Variants in LRRK2 observed in about 807,000 individuals in gnomAD.
The protein encoded by LRRK2 is leucine rich repeat kinase 2, also known as leucine-rich repeat serine/threonine-protein kinase 2.
In LRRK2, 203 loss-of-function variants were observed where a neutral mutation model predicts 302.6. The observed-to-expected ratio is 0.67, with a 90% confidence interval of 0.60 to 0.75. LRRK2 has a LOEUF of 0.75. Among genes scored for constraint, LRRK2 ranks in the 30% least tolerant of loss-of-function variants. The pLI, the probability that LRRK2 is intolerant of heterozygous loss-of-function variation, is 0.00. For missense variants in LRRK2, 2,830 were observed against 2,951.0 expected (o/e 0.96, Z 0.95); for synonymous variants, 1,066 against 1,031.9 (o/e 1.03, Z -0.63).
chr12:40,291,216 G>A (rs1196667918), intron 20 of LRRK2, among the ~76,000 whole-genome samples: 1 of 151,662 alleles, frequency 6.6e-6, no homozygotes, highest in African/African-American at 2.4e-5. Flanking sequence ...ACTCATAGGT[G>A]GGAATTGAAC....
rs576304355 is a variant in LRRK2 at position 40,237,958 on chromosome 12, C to A, written c.437-11C>A. ...CTCTTTACTCAGAGCATATTATTCT[C>A]TTTAAAATAGGTAAAATCACCTTGC... On this transcript the variant is annotated splice_polypyrimidine_tract_variant and intron_variant, in intron 4 of 50. Coordinates refer to ENST00000298910, the MANE Select transcript of LRRK2 (RefSeq NM_198578.4). 37 of 1,608,492 alleles carry A rather than the reference C, an allele frequency of 2.3e-5. No individual in the cohort carries two copies. In the South Asian group the frequency reaches 4.0e-4, roughly 17 times the overall value.
intron 8 of LRRK2, among the ~76,000 whole-genome samples, chr12:40,250,273 C>T (rs544135912): frequency 6.6e-6 from 1 of 152,234 alleles, no homozygotes; most frequent in Admixed American, 6.5e-5. Flanking sequence ...GGGTGGATCA[C>T]AAGGTCAGGA....
At chr12:40,295,329 A>G in intron 22 of LRRK2, 98 bp from the exon 23 acceptor site, 2 of 1,137,794 alleles carry the variant, frequency 1.8e-6, no homozygotes, top group Non-Finnish European at 2.6e-6. Context: ...CAGTGCCTTG[A>G]AGAAAGCCTG....
chr12:40,358,807 T>G (rs1382891037), intron 46 of LRRK2, among the ~76,000 whole-genome samples: 2 of 152,190 alleles, frequency 1.3e-5, no homozygotes, highest in African/African-American at 4.8e-5. Flanking sequence ...GTAGATTGCT[T>G]TGGGTAGTAT....
At chr12:40,331,046 G>A (rs1945698467) in intron 39 of LRRK2, among the ~76,000 whole-genome samples, 1 of 151,510 alleles carries the variant, frequency 6.6e-6, no homozygotes, top group Non-Finnish European at 1.5e-5. Context: ...ATTTTTTTTT[G>A]TATTACTTGC....
Position 40,301,250 on chromosome 12 carries a change from C to G in LRRK2, c.3497-1539C>G, listed in dbSNP as rs192451060. ...AATAATCCCATGTAAATGGTGAAACCCTGTCTCTACTAAAAATACAAAAAT... is the reference window on the plus strand; with the variant it reads ...AATAATCCCATGTAAATGGTGAAACGCTGTCTCTACTAAAAATACAAAAAT... On this transcript the variant is annotated intron_variant, in intron 25 of 50. Coordinates refer to ENST00000298910, the MANE Select transcript of LRRK2 (RefSeq NM_198578.4). Among the ~76,000 whole-genome samples, 13 of 152,126 alleles carry G rather than the reference C, an allele frequency of 8.5e-5. No individual in the cohort carries two copies. The East Asian group carries it at 1.7e-3, about 20-fold the overall frequency.
In LRRK2 at chr12:40,252,995, T is replaced by C. The variant is rs767225630; in HGVS notation, c.1267T>C (p.Ser423Pro). The C allele has an allele frequency of 1.2e-6, 2 of 1,611,986 alleles. No individual in the cohort carries two copies. The highest frequency in any genetic ancestry group is 1.7e-6 in the Non-Finnish European group (2 of 1,178,278). The part of the protein sequence containing the change: ...EVFQASANAL[S>P]TLLEQNVNFR... ...TTTCCAGGCATCTGCGAATGCATTG[T>C]CAACTCTCTTAGAACAAAATGGTAA... is the stretch of plus-strand genomic sequence containing the variant. The change falls in exon 11 of 51, where the codon TCA (serine) becomes CCA (proline). Residue 423 changes from serine (S) to proline (P), a missense_variant. Around this residue, in one of 3 missense-constraint regions of LRRK2, gnomAD observed 2,121 missense variants for 2,148.0 expected, o/e 0.99. Transcript: ENST00000298910.
chr12:40,289,953 A>C (rs1350547930), intron 20 of LRRK2, among the ~76,000 whole-genome samples: 1 of 150,530 alleles, frequency 6.6e-6, no homozygotes, highest in Non-Finnish European at 1.5e-5. Context: ...ACTGGCTAGG[A>C]CCTCCAGTAC....
intron 2 of LRRK2, among the ~76,000 whole-genome samples, chr12:40,230,791 C>T (rs929765939): frequency 3.3e-5 from 5 of 151,646 alleles, no homozygotes; most frequent in Non-Finnish European, 5.9e-5. Context: ...TTTTCATCTC[C>T]GGTTTGAAAT....
chr12:40,306,488 C>T (rs1944829435), intron 28 of LRRK2, among the ~76,000 whole-genome samples: 1 of 152,174 alleles, frequency 6.6e-6, no homozygotes, highest in Admixed American at 6.6e-5. Flanking sequence ...CTGGTCTTTA[C>T]ACTTTAAGCA....
Position 40,321,169 on chromosome 12 carries a change from T to G in LRRK2, c.5151T>G (p.Pro1717=), listed in dbSNP as rs1945388982. The stretch of plus-strand genomic sequence containing the variant: ...TCAATCGATTACTTGAGATTTCACC[T>G]TACATGCTTTCAGGGAGAGGTAAGT... ...RLINRLLEIS[P]YMLSGRERAL... The change falls in exon 35 of 51, where the codon CCT becomes CCG. Residue 1717 remains proline (P), a synonymous_variant. Transcript: ENST00000298910. The G allele has an allele frequency of 3.7e-6, 6 of 1,612,244 alleles. No individual in the cohort carries two copies. The highest frequency in any genetic ancestry group is 5.1e-6 in the Non-Finnish European group (6 of 1,178,632).
Position 40,266,842 on chromosome 12 carries a change from G to A in LRRK2, c.1656+2941G>A, listed in dbSNP as rs547599148. Among the ~76,000 whole-genome samples, 4 of 152,202 alleles carry A rather than the reference G, an allele frequency of 2.6e-5. No individual in the cohort carries two copies. In the South Asian group the frequency reaches 8.3e-4, roughly 32 times the overall value. ...CAGCCATAAAAAATGATGAGTTCAT[G>A]TCCTTTGTAGGGACATGGATGGTAC... On this transcript the variant is annotated intron_variant, in intron 14 of 50. Transcript: ENST00000298910.
At chr12:40,326,623 C>A (rs1269981329) in intron 38 of LRRK2, among the ~76,000 whole-genome samples, 2 of 152,058 alleles carry the variant, frequency 1.3e-5, no homozygotes, top group African/African-American at 4.8e-5. Context: ...GGAGGCAGAA[C>A]AAGATGCATC....
chr12:40,353,071 G>A (rs1324867232), intron 44 of LRRK2, among the ~76,000 whole-genome samples: 11 of 151,072 alleles, frequency 7.3e-5, no homozygotes, highest in East Asian at 3.9e-4. Context: ...CAGACGGGGC[G>A]GCGGCCGGGC....
At chr12:40,315,805 GA>G (rs1485212438) in intron 33 of LRRK2, among the ~76,000 whole-genome samples, 1 of 75,488 alleles carries the variant, frequency 1.3e-5, no homozygotes, top group Non-Finnish European at 2.6e-5. Flanking sequence ...CATGGAAAAT[GA>G]TTTTTTTCTC....
chr12:40,276,225 T>G (rs1280654513), intron 16 of LRRK2, among the ~76,000 whole-genome samples: 1 of 152,180 alleles, frequency 6.6e-6, no homozygotes, highest in Non-Finnish European at 1.5e-5. Context: ...TAGGCATAAA[T>G]TTTAGAATCT....
In LRRK2 at chr12:40,329,954, A is replaced by G. The variant is rs531412240; in HGVS notation, c.5757+1494A>G. On this transcript the variant is annotated intron_variant, in intron 39 of 50. Coordinates refer to ENST00000298910, the MANE Select transcript of LRRK2 (RefSeq NM_198578.4). Reference sequence around the variant, plus strand: ...TTTCATCATGACTTCAAGTGTTTCTAAGTTCTTAATCATACAGTTTGTATA... The same window carrying G: ...TTTCATCATGACTTCAAGTGTTTCTGAGTTCTTAATCATACAGTTTGTATA... 3.3e-5 allele frequency among the ~76,000 whole-genome samples: 5 copies of G among 152,298 alleles called. No individual in the cohort carries two copies. In the South Asian group the frequency reaches 8.3e-4, roughly 25 times the overall value.
intron 48 of LRRK2, 109 bp from the exon 49 acceptor site, chr12:40,364,733 G>A (rs2137049823): frequency 1.1e-6 from 1 of 922,436 alleles, no homozygotes; most frequent in South Asian, 1.5e-5. Context: ...GCATAATGGT[G>A]GTGGTGTCAT....
chr12:40,321,379 C>G (rs2136886412), intron 35 of LRRK2, among the ~76,000 whole-genome samples, 191 bp downstream of exon 35: 1 of 152,082 alleles, frequency 6.6e-6, no homozygotes, highest in South Asian at 2.1e-4. Flanking sequence ...TAAAGACACA[C>G]AAGCACATAT....
Sources: gnomAD v4.1 joint callset for allele counts (sites outside exome capture counted in the v4.1 genomes callset) on GRCh38, gnomAD v4.1.1 for gene constraint, gnomAD v4.1.1 regional missense constraint, MANE v1.5 for transcripts, NCBI Gene and HGNC (gene_info 2026-07-23, HGNC 2026-07-21) for gene names.